Variants in PCDHGA1 observed in about 807,000 individuals in gnomAD.
PCDHGA1 encodes the protein protocadherin gamma subfamily A, 1, also known as protocadherin gamma-A1.
In PCDHGA1, 32 loss-of-function variants were observed where a neutral mutation model predicts 58.0. The ratio of observed to expected loss-of-function variants is 0.55; its 90% CI spans 0.42 to 0.74. The LOEUF (loss-of-function observed/expected upper bound fraction) is 0.74, where lower values mean the gene tolerates loss of function less well. Ranked by LOEUF, PCDHGA1 falls within the 30% of genes least tolerant of loss-of-function variation. PCDHGA1 has a pLI of 0.00. For missense variants in PCDHGA1, 1,205 were observed against 1,182.3 expected (o/e 1.02, Z -0.28); for synonymous variants, 498 against 501.1 (o/e 0.99, Z 0.08).
intron 1 of PCDHGA1, chr5:141,423,413 C>T (rs757696505): frequency 2.5e-6 from 4 of 1,614,022 alleles, no homozygotes; most frequent in South Asian, 2.2e-5. Flanking sequence ...CTGCAGGCTT[C>T]TGAAGGCGGG....
intron 1 of PCDHGA1, chr5:141,350,596 T>C: frequency 6.2e-7 from 1 of 1,614,020 alleles, no homozygotes; most frequent in Non-Finnish European, 8.5e-7. Flanking sequence ...ACCCAATGAA[T>C]GTTTTCCACG....
intron 1 of PCDHGA1, chr5:141,411,213 CTATT>C (rs1479996814): frequency 1.3e-5 from 2 of 152,186 alleles, no homozygotes; most frequent in African/African-American, 2.4e-5. Context: ...AGTAACCTAT[CTATT>C]CAAATTTGCG....
chr5:141,461,167 C>T (rs917796588), intron 1 of PCDHGA1, among the ~76,000 whole-genome samples: 2 of 151,968 alleles, frequency 1.3e-5, no homozygotes, highest in Non-Finnish European at 2.9e-5. Context: ...AGTGGGATTG[C>T]TGGATTGAAT....
intron 1 of PCDHGA1, among the ~76,000 whole-genome samples, chr5:141,480,513 C>T (rs1376669385): frequency 7.9e-6 from 1 of 127,246 alleles, no homozygotes. Context: ...ATGAGAACAA[C>T]CAAAAATGAC....
At chr5:141,335,272 G>A (rs1756557801) in intron 1 of PCDHGA1, among the ~76,000 whole-genome samples, 1 of 151,982 alleles carries the variant, frequency 6.6e-6, no homozygotes, top group Non-Finnish European at 1.5e-5. Context: ...TACAAAACTG[G>A]TTGATTTTTA....
rs561122870 is a variant in PCDHGA1 at position 141,439,444 on chromosome 5, C to T, written c.2422-55363C>T. On this transcript the variant is annotated intron_variant, in intron 1 of 3. Transcript: ENST00000517417. ...ATAAATTCCCAGGAATATTTTATTG[C>T]GGGAGCAAGACTGCACTGCTGCCTT... Among the ~76,000 whole-genome samples the T allele has an allele frequency of 3.0e-4, 46 of 152,264 alleles. 1 individual carries two copies. The South Asian group carries it at 6.2e-3, about 21-fold the overall frequency.
chr5:141,362,106 G>C (rs73265834), intron 1 of PCDHGA1: 130,724 of 1,570,082 alleles, frequency 0.083, 8,914 homozygotes, highest in African/African-American at 0.28. Flanking sequence ...TCTCCGCTAC[G>C]GCCACGCTGC....
intron 1 of PCDHGA1, chr5:141,360,571 A>T: frequency 1.2e-6 from 2 of 1,613,992 alleles, no homozygotes; most frequent in Non-Finnish European, 1.7e-6. Flanking sequence ...TGGCGAATCC[A>T]CTAAGCCAGG....
chr5:141,410,341 G>A (rs759674499), intron 1 of PCDHGA1: 1 of 1,613,992 alleles, frequency 6.2e-7, no homozygotes, highest in Non-Finnish European at 8.5e-7. Context: ...CCATTGCCTT[G>A]CGCCTGCGAC....
At chr5:141,355,606 G>A (rs1379031705) in intron 1 of PCDHGA1, 2 of 1,614,008 alleles carry the variant, frequency 1.2e-6, no homozygotes, top group East Asian at 2.2e-5. Context: ...TTTTGGGACA[G>A]AACAGAGGGA....
At chr5:141,434,035 T>C (rs2154556047) in intron 1 of PCDHGA1, among the ~76,000 whole-genome samples, 1 of 152,316 alleles carries the variant, frequency 6.6e-6, no homozygotes, top group Non-Finnish European at 1.5e-5. Flanking sequence ...AAGCATGGTT[T>C]TCTATTTTAT....
rs2149714389 is a variant in PCDHGA1 at position 141,333,051 on chromosome 5, T to C, written c.2367T>C (p.Gly789=). The part of the protein sequence containing the change: ...LISQESCEKK[G]FLSAPQSLLE... ...GCCAGGAGAGCTGTGAGAAAAAGGGTTTTCTATCAGCACCCCAGTCTTTAC... is the reference window on the plus strand; with the variant it reads ...GCCAGGAGAGCTGTGAGAAAAAGGGCTTTCTATCAGCACCCCAGTCTTTAC... Residue 789 remains glycine (G), a synonymous_variant, in exon 1 of 4, where the codon GGT becomes GGC. Coordinates refer to ENST00000517417, the MANE Select transcript of PCDHGA1 (RefSeq NM_018912.3). 6.2e-7 allele frequency: 1 copy of C among 1,614,006 alleles called. No homozygotes were observed. The highest frequency in any genetic ancestry group is 2.2e-5 in the East Asian group (1 of 44,870).
chr5:141,376,111 C>T (rs1772297221), intron 1 of PCDHGA1: 1 of 1,613,704 alleles, frequency 6.2e-7, no homozygotes, highest in Admixed American at 1.7e-5. Flanking sequence ...CCGACCTGGG[C>T]AGCCTCGAGC....
chr5:141,405,457 TTA>T, intron 1 of PCDHGA1: 1 of 1,256,670 alleles, frequency 8.0e-7, no homozygotes, highest in Non-Finnish European at 1.1e-6. Context: ...TCTTACTCTG[TTA>T]CCCAGGCTGG....
chr5:141,423,832 T>G, intron 1 of PCDHGA1: 113 of 1,253,376 alleles, frequency 9.0e-5, no homozygotes, highest in East Asian at 2.6e-4. Context: ...TTTCATGAGA[T>G]TACGATAATC....
rs1757012324 is a variant in PCDHGA1 at position 141,341,021 on chromosome 5, C to T, written c.2421+7916C>T. 4 of 1,614,032 alleles carry T rather than the reference C, an allele frequency of 2.5e-6. No individual in the cohort carries two copies. The African/African-American group carries it at 5.3e-5, about 22-fold the overall frequency. On this transcript the variant is annotated intron_variant, in intron 1 of 3. Transcript: ENST00000517417. ...GGGCAGCCTCGAGCCCTCCGCCATACCCAACGATTCGGACCTCACTCTGTA... is the reference window on the plus strand; with the variant it reads ...GGGCAGCCTCGAGCCCTCCGCCATATCCAACGATTCGGACCTCACTCTGTA...
intron 1 of PCDHGA1, chr5:141,393,474 C>T (rs773609499): frequency 6.2e-7 from 1 of 1,613,926 alleles, no homozygotes; most frequent in African/African-American, 1.3e-5. Context: ...CGGCAAGCCG[C>T]CTCGCTCTAG....
intron 2 of PCDHGA1, among the ~76,000 whole-genome samples, chr5:141,495,703 GGAGT>G (rs2099763108): frequency 6.6e-6 from 1 of 152,098 alleles, no homozygotes; most frequent in South Asian, 2.1e-4. Context: ...CAATAAATGT[GGAGT>G]GAGTAACTAC....
intron 1 of PCDHGA1, chr5:141,360,538 C>T: frequency 1.9e-6 from 3 of 1,613,954 alleles, no homozygotes; most frequent in Non-Finnish European, 2.5e-6. Context: ...GCTATTCAAA[C>T]AGACTAAGAT....
Sources: allele counts gnomAD v4.1 joint callset (sites outside exome capture counted in the v4.1 genomes callset), GRCh38; gene constraint gnomAD v4.1.1; transcripts MANE v1.5; gene names NCBI Gene and HGNC (gene_info 2026-07-23, HGNC 2026-07-21).